The following CACNA2D2 variants were observed in gnomAD, a reference collection of about 807,000 sequenced individuals.
CACNA2D2 encodes voltage-dependent calcium channel subunit alpha-2/delta-2.
Under a neutral mutation model 166.4 loss-of-function variants are expected in CACNA2D2, and 48 were observed. The ratio of observed to expected loss-of-function variants is 0.29; its 90% CI spans 0.23 to 0.37. The LOEUF is 0.37. CACNA2D2 is among the 10% of genes least tolerant of loss of function. The pLI, the probability that CACNA2D2 is intolerant of heterozygous loss-of-function variation, is 1.00. For missense variants in CACNA2D2, 1,122 were observed against 1,433.0 expected (o/e 0.78, Z 3.50); for synonymous variants, 561 against 573.7 (o/e 0.98, Z 0.32).
intron 2 of CACNA2D2, among the ~76,000 whole-genome samples, chr3:50,438,435 G>T (rs559377022): frequency 6.6e-6 from 1 of 152,310 alleles, no homozygotes; most frequent in African/African-American, 2.4e-5. Flanking sequence ...ACAGGGCCGT[G>T]GGGGCTGATG....
intron 2 of CACNA2D2, among the ~76,000 whole-genome samples, chr3:50,468,878 G>A (rs542912528): frequency 6.7e-6 from 1 of 150,304 alleles, no homozygotes; most frequent in Admixed American, 6.6e-5. Context: ...GCCCAGGGTG[G>A]AGTGCAGTGG....
intron 1 of CACNA2D2, among the ~76,000 whole-genome samples, chr3:50,476,574 C>G (rs1436566023): frequency 6.6e-6 from 1 of 152,198 alleles, no homozygotes; most frequent in Non-Finnish European, 1.5e-5. Context: ...CATGAGGGAG[C>G]CTCAGGGAGT....
rs932492733 is a variant in CACNA2D2 at position 50,394,221 on chromosome 3, T to C, written c.406-53A>G. On this transcript the variant is annotated intron_variant, in intron 3 of 37. Coordinates refer to ENST00000424201, the MANE Select transcript of CACNA2D2 (RefSeq NM_006030.4). ...AAGCGGAGGAAGGCAGCCTGCCCTA[T>C]GCCCACCCCAAAGCCTCTCCATCCC... 3 of 1,473,334 alleles carry C rather than the reference T, an allele frequency of 2.0e-6. No individual in the cohort carries two copies. In the African/African-American group the frequency reaches 4.2e-5, roughly 20 times the overall value. 91.3% of individuals were successfully genotyped at this position (1,473,334 alleles called of 1,614,324 possible). A position where few individuals can be genotyped will look rare whatever the true frequency, so the allele number is the denominator to read the frequency against.
intron 4 of CACNA2D2, 115 bp from the exon 5 acceptor site, chr3:50,387,727 C>T: frequency 1.3e-6 from 1 of 799,830 alleles, no homozygotes; most frequent in Non-Finnish European, 2.0e-6. Flanking sequence ...GAGACTGTCC[C>T]TTTCCCCCAC....
At chr3:50,454,475 C>G (rs534947980) in intron 2 of CACNA2D2, among the ~76,000 whole-genome samples, 1 of 152,302 alleles carries the variant, frequency 6.6e-6, no homozygotes, top group East Asian at 1.9e-4. Context: ...CCTTGCCTCT[C>G]CCCCGAGGAG....
At chr3:50,385,888 C>T (rs1453434328) in intron 5 of CACNA2D2, among the ~76,000 whole-genome samples, 4 of 152,208 alleles carry the variant, frequency 2.6e-5, no homozygotes, top group Non-Finnish European at 4.4e-5. Context: ...ATTTAATCTC[C>T]CAACTTTCTC....
At chr3:50,463,591 G>A (rs754282792) in intron 2 of CACNA2D2, among the ~76,000 whole-genome samples, 6 of 152,228 alleles carry the variant, frequency 3.9e-5, no homozygotes, top group Non-Finnish European at 7.3e-5. Flanking sequence ...ATTTCACCCT[G>A]ACCAACAGAC....
chr3:50,389,890 T>C (rs1705802910), intron 4 of CACNA2D2, among the ~76,000 whole-genome samples: 1 of 151,988 alleles, frequency 6.6e-6, no homozygotes, highest in South Asian at 2.1e-4. Context: ...CCTTCCTTGG[T>C]AAGAAGTACA....
intron 21 of CACNA2D2, 103 bp from the exon 22 acceptor site, chr3:50,374,916 C>T (rs1704892479): frequency 1.1e-6 from 1 of 921,870 alleles, no homozygotes; most frequent in African/African-American, 1.6e-5. Context: ...CTGCAGCATC[C>T]CCTCCTCCCA....
chr3:50,402,643 T>A (rs750053730), intron 3 of CACNA2D2, among the ~76,000 whole-genome samples: 1 of 152,212 alleles, frequency 6.6e-6, no homozygotes, highest in Non-Finnish European at 1.5e-5. Context: ...GATATTGCCC[T>A]GCTCAGCCCC....
chr3:50,367,679 C>T lies in CACNA2D2; in HGVS notation c.2260G>A (p.Ala754Thr). ...NTYSLLAVFA[A>T]TDGGITRVFP... is the part of the protein sequence containing the mutation. Reference sequence around the variant, plus strand: ...ACTCGGGTGATGCCACCGTCTGTGGCAGCGAACACGGCCAGTAGGCTGTAC... The same window carrying T: ...ACTCGGGTGATGCCACCGTCTGTGGTAGCGAACACGGCCAGTAGGCTGTAC... Residue 754 changes from alanine to threonine, a missense_variant, in exon 26 of 38, where the codon GCC (alanine) becomes ACC (threonine). Around this residue, in one of 2 missense-constraint regions of CACNA2D2, gnomAD observed 840 missense variants for 1,166.8 expected, o/e 0.72. Transcript: ENST00000424201. The surrounding 1 kb of genome is among the most constrained non-coding windows in gnomAD (Gnocchi z 6.5). 6.2e-7 allele frequency: 1 copy of T among 1,612,146 alleles called. No homozygotes were observed. The highest frequency in any genetic ancestry group is 8.5e-7 in the Non-Finnish European group (1 of 1,178,798).
chr3:50,440,381 C>T (rs895244837), intron 2 of CACNA2D2, among the ~76,000 whole-genome samples: 1 of 152,276 alleles, frequency 6.6e-6, no homozygotes, highest in African/African-American at 2.4e-5. Flanking sequence ...TTGCCAACTG[C>T]CATGTTAGGT....
intron 3 of CACNA2D2, among the ~76,000 whole-genome samples, chr3:50,423,961 C>T (rs531327369): frequency 1.4e-4 from 22 of 152,226 alleles, no homozygotes; most frequent in Non-Finnish European, 2.2e-4. Flanking sequence ...CATCTGTCTG[C>T]GGGGCCTGCC....
chr3:50,410,410 A>T (rs559326206), intron 3 of CACNA2D2, among the ~76,000 whole-genome samples: 1 of 152,258 alleles, frequency 6.6e-6, no homozygotes, highest in East Asian at 1.9e-4. Flanking sequence ...GAGGCTAAGC[A>T]CAGAGCATGC....
intron 2 of CACNA2D2, among the ~76,000 whole-genome samples, chr3:50,446,961 A>G (rs571581106): frequency 6.7e-4 from 102 of 152,366 alleles, no homozygotes; most frequent in African/African-American, 2.3e-3. Context: ...CAGCAGGGTA[A>G]GCAGCAGCAA....
intron 2 of CACNA2D2, among the ~76,000 whole-genome samples, chr3:50,445,153 T>C (rs1280969104): frequency 6.6e-6 from 1 of 152,216 alleles, no homozygotes; most frequent in Non-Finnish European, 1.5e-5. Flanking sequence ...CAGTGGAACT[T>C]TGCTGGCTTG....
rs587694555 is a variant in CACNA2D2, at chr3:50,379,078, C to T, written c.1260+14G>A. 8.1e-6 allele frequency: 13 copies of T among 1,613,458 alleles called. No individual in the cohort carries two copies. The highest frequency in any genetic ancestry group is 5.5e-5 in the South Asian group (5 of 91,070). On this transcript the variant is annotated intron_variant, in intron 12 of 37. Coordinates refer to ENST00000424201, the MANE Select transcript of CACNA2D2 (RefSeq NM_006030.4). The surrounding 1 kb of genome is among the most constrained non-coding windows in gnomAD (Gnocchi z 6.5). ...GCCCAGGTCAGGGTAGCCCCTGCCTCGGTTGAGCCTCACCGTCCGGTTTGG... is the reference window on the plus strand; with the variant it reads ...GCCCAGGTCAGGGTAGCCCCTGCCTTGGTTGAGCCTCACCGTCCGGTTTGG...
intron 2 of CACNA2D2, among the ~76,000 whole-genome samples, chr3:50,440,035 G>A (rs1192276716): frequency 6.6e-6 from 1 of 152,218 alleles, no homozygotes; most frequent in Admixed American, 6.5e-5. Flanking sequence ...CCAGGCACCT[G>A]GGGACCCTCT....
intron 2 of CACNA2D2, among the ~76,000 whole-genome samples, chr3:50,459,369 G>A (rs1287129326): frequency 6.6e-6 from 1 of 152,030 alleles, no homozygotes; most frequent in Non-Finnish European, 1.5e-5. Context: ...AGCACAGATG[G>A]GTCCATTTTC....
Sources: gnomAD v4.1 joint callset for allele counts (sites outside exome capture counted in the v4.1 genomes callset) on GRCh38, gnomAD v4.1.1 for gene constraint, gnomAD v4.1.1 regional missense constraint, Gnocchi (gnomAD v3.1) non-coding constraint, MANE v1.5 for transcripts, NCBI Gene and HGNC (gene_info 2026-07-23, HGNC 2026-07-21) for gene names.